The following PTDSS1 variants were observed in gnomAD, a reference collection of about 807,000 sequenced individuals.
PTDSS1 encodes the protein PSS-1.
Under a neutral mutation model 70.5 loss-of-function variants are expected in PTDSS1, and 45 were observed. That is an observed-to-expected ratio of 0.64 (90% CI 0.50 to 0.82). The LOEUF (loss-of-function observed/expected upper bound fraction) is 0.82, where lower values mean the gene tolerates loss of function less well. Among genes scored for constraint, PTDSS1 ranks in the 40% least tolerant of loss-of-function variants. The probability of loss-of-function intolerance (pLI) is 0.00; values close to 1 mark genes in which losing one functional copy is unlikely to be tolerated. For synonymous variants in PTDSS1, 188 were observed against 203.8 expected, an observed-to-expected ratio of 0.92 and a Z score of 0.66; for missense variants, 417 against 586.1, an observed-to-expected ratio of 0.71 and a Z score of 2.98.
intron 1 of PTDSS1, among the ~76,000 whole-genome samples, chr8:96,265,450 A>G (rs1810472579): frequency 6.6e-6 from 1 of 152,164 alleles, no homozygotes; most frequent in African/African-American, 2.4e-5. Context: ...ATTCCCTGTT[A>G]AACCATAGTA....
intron 10 of PTDSS1, among the ~76,000 whole-genome samples, chr8:96,323,982 G>T (rs556389199): frequency 6.6e-6 from 1 of 152,272 alleles, no homozygotes; most frequent in Non-Finnish European, 1.5e-5. Flanking sequence ...CGAATGCTTT[G>T]CTGCTTGGCT....
intron 5 of PTDSS1, among the ~76,000 whole-genome samples, chr8:96,298,015 G>C (rs181828434): frequency 8.5e-5 from 13 of 152,318 alleles, no homozygotes; most frequent in Admixed American, 5.2e-4. Flanking sequence ...CCTTAGGCTG[G>C]AGGATGTCCT....
intron 7 of PTDSS1, among the ~76,000 whole-genome samples, chr8:96,305,832 C>T (rs1342337269): frequency 1.3e-5 from 2 of 152,134 alleles, no homozygotes; most frequent in African/African-American, 4.8e-5. Context: ...GGATTACAGG[C>T]GCCCACCACC....
At chr8:96,306,630 A>C in intron 8 of PTDSS1, 74 bp downstream of exon 8, 1 of 1,174,636 alleles carries the variant, frequency 8.5e-7, no homozygotes, top group Non-Finnish European at 1.3e-6. Context: ...GCATAAGGAA[A>C]GTCATATAAA....
intron 9 of PTDSS1, among the ~76,000 whole-genome samples, chr8:96,316,139 G>C (rs539610515): frequency 5.3e-4 from 81 of 152,310 alleles, no homozygotes; most frequent in African/African-American, 1.9e-3. Context: ...CCATGTGATC[G>C]TTGGGTTCCT....
intron 2 of PTDSS1, among the ~76,000 whole-genome samples, chr8:96,276,543 A>G (rs1810643794): frequency 6.6e-6 from 1 of 152,182 alleles, no homozygotes; most frequent in Admixed American, 6.5e-5. Context: ...TCAGTTTACC[A>G]GTGAGAAGGC....
At chr8:96,274,775 T>C (rs1810617453) in intron 2 of PTDSS1, among the ~76,000 whole-genome samples, 1 of 152,118 alleles carries the variant, frequency 6.6e-6, no homozygotes. Flanking sequence ...GTTAGGAGCG[T>C]CACTCTGGAG....
chr8:96,286,836 A>G (rs949765623), intron 3 of PTDSS1, among the ~76,000 whole-genome samples, 186 bp from the exon 4 acceptor site: 7 of 152,208 alleles, frequency 4.6e-5, no homozygotes, highest in African/African-American at 1.7e-4. Context: ...ACCACTCTCA[A>G]TCTGAATTAG....
At chr8:96,278,972 C>CTTTTTTTTTTT (rs36085094) in intron 2 of PTDSS1, among the ~76,000 whole-genome samples, 1 of 122,632 alleles carries the variant, frequency 8.2e-6, no homozygotes, top group Non-Finnish European at 1.7e-5. Flanking sequence ...TTCAGCCCCC[C>CTTTTTTTTTTT]TTTTTTTTTT....
At chr8:96,285,355 A>G (rs546171303) in intron 3 of PTDSS1, among the ~76,000 whole-genome samples, 2 of 152,168 alleles carry the variant, frequency 1.3e-5, no homozygotes, top group Non-Finnish European at 2.9e-5. Context: ...AGTAGGAGAG[A>G]AGTCAGAGAG....
At chr8:96,267,448 A>G (rs576436190) in intron 1 of PTDSS1, among the ~76,000 whole-genome samples, 1 of 152,232 alleles carries the variant, frequency 6.6e-6, no homozygotes, top group South Asian at 2.1e-4. Flanking sequence ...GCTGACTCTC[A>G]GGCCCTGGCT....
intron 1 of PTDSS1, among the ~76,000 whole-genome samples, chr8:96,272,064 G>A (rs1191800298): frequency 2.0e-5 from 3 of 152,014 alleles, no homozygotes; most frequent in Non-Finnish European, 4.4e-5. Context: ...GTTTTTCTGT[G>A]TTAATTTGTT....
intron 10 of PTDSS1, among the ~76,000 whole-genome samples, chr8:96,329,143 T>G (rs552971333): frequency 2.7e-4 from 41 of 152,290 alleles, no homozygotes; most frequent in African/African-American, 9.1e-4. Context: ...CTCTCACAGC[T>G]GTCCCCACAG....
chr8:96,266,804 A>G (rs1272459815), intron 1 of PTDSS1, among the ~76,000 whole-genome samples: 1 of 152,222 alleles, frequency 6.6e-6, no homozygotes, highest in African/African-American at 2.4e-5. Context: ...TACCATTTGA[A>G]TCAAATTTTT....
At chr8:96,328,214 C>G (rs1811465744) in intron 10 of PTDSS1, among the ~76,000 whole-genome samples, 1 of 152,154 alleles carries the variant, frequency 6.6e-6, no homozygotes, top group Non-Finnish European at 1.5e-5. Context: ...GAGGGACCCG[C>G]CTCCCCACAG....
At chr8:96,307,874 A>T (rs950289094) in intron 8 of PTDSS1, among the ~76,000 whole-genome samples, 1 of 152,240 alleles carries the variant, frequency 6.6e-6, no homozygotes, top group Non-Finnish European at 1.5e-5. Context: ...TAAAAACTAG[A>T]CACTAAAAAT....
At chr8:96,270,732 A>C (rs1235551173) in intron 1 of PTDSS1, among the ~76,000 whole-genome samples, 1 of 151,912 alleles carries the variant, frequency 6.6e-6, no homozygotes, top group Non-Finnish European at 1.5e-5. Context: ...TCATTAATAC[A>C]TTTTTTCCTA....
rs375359722 is a variant in PTDSS1 at position 96,284,182 on chromosome 8, T to A, written c.316+29T>A. 2.0e-5 allele frequency: 32 copies of A among 1,566,500 alleles called. No individual in the cohort carries two copies. In the African/African-American group the frequency reaches 4.4e-4, roughly 21 times the overall value. On this transcript the variant is annotated intron_variant, in intron 3 of 12. Transcript: ENST00000517309. The stretch of plus-strand genomic sequence containing the variant: ...AGTTTATATTAGCAATGTAAAAGGA[T>A]GTTCTATTTTTTTAATCTTTTTTCT...
chr8:96,314,178 G>A lies in PTDSS1; in HGVS notation c.1073+4556G>A, dbSNP rs542263989. On this transcript the variant is annotated intron_variant, in intron 9 of 12. Coordinates refer to ENST00000517309, the MANE Select transcript of PTDSS1 (RefSeq NM_014754.3). ...TCCCACATCAGCCTCCTAAGTAGCTGGGACTATAGGCACACACCACAATGT... is the reference window on the plus strand; with the variant it reads ...TCCCACATCAGCCTCCTAAGTAGCTAGGACTATAGGCACACACCACAATGT... Among the ~76,000 whole-genome samples the A allele has an allele frequency of 4.1e-4, 62 of 152,142 alleles. 1 individual carries two copies. In the South Asian group the frequency reaches 0.013, roughly 31 times the overall value.
Sources: gnomAD v4.1 joint callset for allele counts (sites outside exome capture counted in the v4.1 genomes callset) on GRCh38, gnomAD v4.1.1 for gene constraint, MANE v1.5 for transcripts, NCBI Gene and HGNC (gene_info 2026-07-23, HGNC 2026-07-21) for gene names.